The following GPR143 variants were observed in gnomAD, a reference collection of about 807,000 sequenced individuals.
GPR143 encodes the protein G-protein coupled receptor 143.
Under a neutral mutation model 27.6 loss-of-function variants are expected in GPR143, and 8 were observed. That is an observed-to-expected ratio of 0.29 (90% confidence interval 0.17 to 0.52). The LOEUF is 0.52. Among genes scored for constraint, GPR143 ranks in the 20% least tolerant of loss-of-function variants. The pLI, the probability that GPR143 is intolerant of heterozygous loss-of-function variation, is 0.96. For synonymous variants in GPR143, 156 were observed against 153.2 expected (o/e 1.02, Z -0.13); for missense variants, 303 against 343.1 (o/e 0.88, Z 0.92).
At chrX:9,736,106 C>T (rs1193420106) in intron 8 of GPR143, among the ~76,000 whole-genome samples, 3 of 110,648 alleles carry the variant, frequency 2.7e-5, no homozygotes, top group East Asian at 2.8e-4. Flanking sequence ...GCGTTTCCCC[C>T]GCCACTGACA....
intron 1 of GPR143, among the ~76,000 whole-genome samples, chrX:9,772,808 T>C (rs2083558667): frequency 3.0e-5 from 2 of 65,868 alleles, no homozygotes; most frequent in African/African-American, 1.3e-4. Flanking sequence ...AGCAAGATCC[T>C]GTCTCAAAAA....
In GPR143 at chrX:9,741,406, G is replaced by T. The variant is rs746869718; in HGVS notation, c.817C>A (p.Gln273Lys). The T allele has an allele frequency of 1.2e-5, 14 of 1,162,609 alleles. No individual in the cohort carries two copies. In the South Asian group the frequency reaches 2.2e-4, roughly 18 times the overall value. The part of the protein sequence containing the change: ...NESLLFYLEM[Q>K]TDINGGSLKP... Reference sequence around the variant, plus strand: ...AAAGAACCTCCATTGATATCTGTTTGCATCTCAAGATAGAATAAAAGGCTT... The same window carrying T: ...AAAGAACCTCCATTGATATCTGTTTTCATCTCAAGATAGAATAAAAGGCTT... The change falls in exon 7 of 9, where the codon CAA becomes AAA. Residue 273 changes from glutamine (Q) to lysine (K), a missense_variant. Gln to Lys is a moderately conservative substitution (Grantham distance 53). Coordinates refer to ENST00000467482, the MANE Select transcript of GPR143 (RefSeq NM_000273.3).
intron 1 of GPR143, among the ~76,000 whole-genome samples, chrX:9,777,559 C>A (rs893579522): frequency 9.0e-6 from 1 of 111,316 alleles, no homozygotes; most frequent in Non-Finnish European, 1.9e-5. Flanking sequence ...CCATCTGTTT[C>A]TCTAAATAAA....
At chrX:9,726,469 A>G (rs1234461949) in intron 8 of GPR143, among the ~76,000 whole-genome samples, 2 of 112,013 alleles carry the variant, frequency 1.8e-5, no homozygotes, top group African/African-American at 6.5e-5. Context: ...ACAGTAGTAC[A>G]TGCCTGGTAA....
chrX:9,756,530 T>A (rs1296688633), intron 3 of GPR143, among the ~76,000 whole-genome samples: 1 of 111,946 alleles, frequency 8.9e-6, no homozygotes, highest in Non-Finnish European at 1.9e-5. Context: ...AAAGAACTCC[T>A]ACAACTCAAT....
intron 3 of GPR143, among the ~76,000 whole-genome samples, chrX:9,751,815 G>A (rs760117931): frequency 2.2e-4 from 25 of 112,965 alleles, no homozygotes; most frequent in South Asian, 1.1e-3. Flanking sequence ...TTGTATCAGC[G>A]CAGTATGTCT....
chrX:9,728,639 TAAAAAAAAAAAAAAAAA>T (rs57462205), intron 8 of GPR143, among the ~76,000 whole-genome samples: 1,077 of 19,326 alleles, frequency 0.056, 72 homozygotes, highest in African/African-American at 0.18. Flanking sequence ...CCCTATCTCT[TAAAAAAAAAAAAAAAAA>T]AAAAAAAAAA....
chrX:9,750,245 T>A (rs1251650669), intron 3 of GPR143, among the ~76,000 whole-genome samples: 2 of 112,337 alleles, frequency 1.8e-5, no homozygotes, highest in African/African-American at 6.5e-5. Flanking sequence ...AGTCTCACTC[T>A]GTGGCCCAGG....
At chrX:9,737,772 G>A (rs1047929109) in intron 8 of GPR143, among the ~76,000 whole-genome samples, 4 of 112,054 alleles carry the variant, frequency 3.6e-5, no homozygotes, top group Admixed American at 9.5e-5. Flanking sequence ...CACTTTGGGA[G>A]GCCGATGCAG....
At chrX:9,766,250 C>T (rs1020528836), upstream of GPR143, 1 of 114,084 alleles carries the variant, frequency 8.8e-6, no homozygotes, top group Non-Finnish European at 1.8e-5. Context: ...ACTCTGACAT[C>T]CTGATTTTGA....
intron 4 of GPR143, among the ~76,000 whole-genome samples, chrX:9,746,526 TAGTG>T (rs2083429176): frequency 9.0e-6 from 1 of 111,057 alleles, no homozygotes. Flanking sequence ...CTCCATTAAA[TAGTG>T]AGGTTTTGAG....
intron 1 of GPR143, among the ~76,000 whole-genome samples, chrX:9,765,257 C>T (rs1235079915): frequency 1.8e-5 from 2 of 110,440 alleles, no homozygotes; most frequent in African/African-American, 3.3e-5. Flanking sequence ...CGCACTCTCA[C>T]CCGGGGATTG....
At chrX:9,760,917 A>G in intron 1 of GPR143, 91 bp from the exon 2 acceptor site, 1 of 498,341 alleles carries the variant, frequency 2.0e-6, no homozygotes, top group Non-Finnish European at 3.6e-6. Context: ...TACATAATAG[A>G]TAGAGATAGG....
intron 8 of GPR143, among the ~76,000 whole-genome samples, chrX:9,730,849 C>T (rs1013342583): frequency 8.0e-5 from 9 of 111,828 alleles, no homozygotes; most frequent in Non-Finnish European, 1.5e-4. Context: ...GGGTCTGTCC[C>T]TCACAGGTAC....
rs2083393150 is a variant in GPR143, at chrX:9,739,538, A to G, written c.1067T>C (p.Val356Ala). The change falls in exon 8 of 9, where the codon GTG (valine) becomes GCG (alanine). Residue 356 changes from valine to alanine, a missense_variant. Physicochemically the swap from Val to Ala is moderately conservative, Grantham distance 64 (BLOSUM62 0). Coordinates refer to ENST00000467482, the MANE Select transcript of GPR143 (RefSeq NM_000273.3). ...AGAAGTCTGCCCACCCACTTGAGACACCTTCCCGGAAGCAGGGTTTTCATG... is the reference window on the plus strand; with the variant it reads ...AGAAGTCTGCCCACCCACTTGAGACGCCTTCCCGGAAGCAGGGTTTTCATG... Reference protein sequence around the residue: ...MPHENPASGKVSQVGGQTSDE... With the variant: ...MPHENPASGKASQVGGQTSDE... 2.5e-6 allele frequency: 3 copies of G among 1,210,925 alleles called. No homozygotes were observed. Among genetic ancestry groups the G allele is most frequent in the Non-Finnish European group, 3.4e-6 (3 of 894,911 alleles).
chrX:9,744,471 G>A (rs2083419051), intron 5 of GPR143, among the ~76,000 whole-genome samples: 1 of 110,740 alleles, frequency 9.0e-6, no homozygotes, highest in South Asian at 3.8e-4. Context: ...TTGGGAGGCT[G>A]AGGCAGGTGG....
At chrX:9,764,504 G>GCGCACACA (rs1489075823) in intron 1 of GPR143, among the ~76,000 whole-genome samples, 2 of 99,092 alleles carry the variant, frequency 2.0e-5, no homozygotes, top group African/African-American at 7.6e-5. Flanking sequence ...TTACACACGC[G>GCGCACACA]CACACACACA....
rs1167450607 is a variant in GPR143, at chrX:9,741,322, A to G, written c.885+16T>C. 1.5e-6 allele frequency: 1 copy of G among 663,289 alleles called. No individual in the cohort carries two copies. The highest frequency in any genetic ancestry group is 2.7e-5 in the Admixed American group (1 of 37,262). The allele number at this position is 663,289 out of a possible 1,213,427, so 54.7% of individuals were successfully genotyped here. A position where few individuals can be genotyped will look rare whatever the true frequency, so the allele number is the denominator to read the frequency against. On this transcript the variant is annotated intron_variant, in intron 7 of 8. Transcript: ENST00000467482. ...TAAATAATTAACTAATTAAAATAAA[A>G]TATAGATTGACCTACCATAATAAAC...
upstream of GPR143, among the ~76,000 whole-genome samples, chrX:9,770,576 A>AG (rs2083551562): frequency 9.0e-6 from 1 of 110,584 alleles, no homozygotes; most frequent in African/African-American, 3.3e-5. Context: ...GAGAGGAAGC[A>AG]GGAAGTCACT....
Sources: allele counts gnomAD v4.1 joint callset (sites outside exome capture counted in the v4.1 genomes callset), GRCh38; gene constraint gnomAD v4.1.1; transcripts MANE v1.5; gene names NCBI Gene and HGNC (gene_info 2026-07-23, HGNC 2026-07-21).